The following POLA1 variants were observed in gnomAD, a reference collection of about 807,000 sequenced individuals.
POLA1 encodes the protein DNA polymerase alpha 1, catalytic subunit, also known as DNA polymerase alpha catalytic subunit.
POLA1 carries 15 observed loss-of-function variants against 124.0 expected under a neutral mutation model. That is an observed-to-expected ratio of 0.12 (90% CI 0.08 to 0.19). The LOEUF is 0.19. POLA1 is among the 10% of genes least tolerant of loss of function. The probability of loss-of-function intolerance (pLI) is 1.00; values close to 1 mark genes in which losing one functional copy is unlikely to be tolerated. For synonymous variants in POLA1, 408 were observed against 389.4 expected, an observed-to-expected ratio of 1.05 and a Z score of -0.56; for missense variants, 886 against 1,103.4, an observed-to-expected ratio of 0.80 and a Z score of 2.79.
At chrX:24,907,773 T>C (rs1036934879) in intron 35 of POLA1, among the ~76,000 whole-genome samples, 1 of 112,238 alleles carries the variant, frequency 8.9e-6, no homozygotes, top group African/African-American at 3.2e-5. Flanking sequence ...ACTTGGAACA[T>C]CATGGATGAT....
At chrX:24,887,466 TTAAG>T (rs888609686) in intron 34 of POLA1, among the ~76,000 whole-genome samples, 13 of 112,723 alleles carry the variant, frequency 1.2e-4, no homozygotes, top group Middle Eastern at 9.2e-3. Flanking sequence ...ATTATATTTA[TTAAG>T]TGTTTCTTTT....
chrX:24,944,739 A>G (rs918235977), intron 36 of POLA1, among the ~76,000 whole-genome samples: 1 of 111,926 alleles, frequency 8.9e-6, no homozygotes, highest in African/African-American at 3.2e-5. Context: ...AGGGTTAGCT[A>G]TGAAAACCTA....
At chrX:24,971,627 C>T (rs2048303632) in intron 36 of POLA1, among the ~76,000 whole-genome samples, 1 of 112,314 alleles carries the variant, frequency 8.9e-6, no homozygotes, top group African/African-American at 3.2e-5. Context: ...AACCTCCACT[C>T]AACCAGGCAC....
intron 22 of POLA1, among the ~76,000 whole-genome samples, chrX:24,742,826 G>T (rs767136766): frequency 8.9e-6 from 1 of 111,788 alleles, no homozygotes; most frequent in East Asian, 2.8e-4. Context: ...TAGGGATAAT[G>T]ATAATACCTG....
intron 35 of POLA1, among the ~76,000 whole-genome samples, chrX:24,891,857 A>G (rs2047146362): frequency 8.9e-6 from 1 of 111,966 alleles, no homozygotes. Flanking sequence ...CCATTTGGAC[A>G]GAACACTAGA....
chrX:24,855,062 T>C, intron 34 of POLA1, among the ~76,000 whole-genome samples: 1 of 111,489 alleles, frequency 9.0e-6, no homozygotes, highest in African/African-American at 3.3e-5. Context: ...CAGATTAGTA[T>C]ATAAGGAATG....
Position 24,742,099 on chromosome X carries a change from T to A in POLA1, c.2444T>A (p.Phe815Tyr). 8.3e-7 allele frequency: 1 copy of A among 1,205,923 alleles called. No homozygotes were observed. Among genetic ancestry groups the A allele is most frequent in the Non-Finnish European group, 1.1e-6 (1 of 892,082 alleles). ...TATATTGTGCCTGACAAGCAGATTTTCAGAAAGCCTCAGCAAAAACTGGTG... is the reference window on the plus strand; with the variant it reads ...TATATTGTGCCTGACAAGCAGATTTACAGAAAGCCTCAGCAAAAACTGGTG... ...NNYIVPDKQI[F>Y]RKPQQKLGDE... Residue 815 changes from phenylalanine (F) to tyrosine (Y), a missense_variant, in exon 22 of 37, where the codon TTC becomes TAC. Coordinates refer to ENST00000379068, the MANE Select transcript of POLA1 (RefSeq NM_001330360.2).
chrX:24,980,659 G>A (rs1358828194), intron 36 of POLA1, among the ~76,000 whole-genome samples: 1 of 106,604 alleles, frequency 9.4e-6, no homozygotes, highest in African/African-American at 3.4e-5. Flanking sequence ...TTTTTCTTTT[G>A]TATGTGGCTT....
At chrX:24,719,760 C>G (rs994165522) in intron 10 of POLA1, among the ~76,000 whole-genome samples, 1 of 111,873 alleles carries the variant, frequency 8.9e-6, no homozygotes, top group African/African-American at 3.3e-5. Context: ...AACCAGAAAC[C>G]TGGGAGCCAT....
chrX:24,704,994 G>A (rs1040055333), intron 4 of POLA1, among the ~76,000 whole-genome samples: 1 of 111,312 alleles, frequency 9.0e-6, no homozygotes, highest in African/African-American at 3.3e-5. Flanking sequence ...CCTGTAAAAT[G>A]GGAATGGAAA....
At chrX:24,875,089 G>A (rs1328070589) in intron 34 of POLA1, among the ~76,000 whole-genome samples, 1 of 110,869 alleles carries the variant, frequency 9.0e-6, no homozygotes, top group Non-Finnish European at 1.9e-5. Context: ...ACAAATATAT[G>A]TCAAGCATCT....
chrX:24,810,981 A>T (rs2045889202), intron 28 of POLA1, among the ~76,000 whole-genome samples, 181 bp downstream of exon 28: 1 of 111,083 alleles, frequency 9.0e-6, no homozygotes, highest in Non-Finnish European at 1.9e-5. Flanking sequence ...ACAGGGTCTC[A>T]CTCTGTCACC....
At chrX:24,817,607 C>CA (rs1171262514) in intron 30 of POLA1, among the ~76,000 whole-genome samples, 4,289 of 32,885 alleles carry the variant, frequency 0.13, 302 homozygotes, top group African/African-American at 0.29. Context: ...GATTCCATCT[C>CA]AAAAAAAAAA....
chrX:24,949,393 A>G (rs748921916), intron 36 of POLA1, among the ~76,000 whole-genome samples: 1 of 111,726 alleles, frequency 9.0e-6, no homozygotes, highest in Non-Finnish European at 1.9e-5. Flanking sequence ...AGTAGCAGCT[A>G]AGCAGTTTGG....
chrX:24,834,085 G>A (rs1448755030), intron 32 of POLA1, among the ~76,000 whole-genome samples: 3 of 91,896 alleles, frequency 3.3e-5, no homozygotes, highest in Non-Finnish European at 6.3e-5. Context: ...CAGCCTGGGT[G>A]ACAGAGCAAG....
chrX:24,814,886 A>C, intron 29 of POLA1, 93 bp from the exon 30 acceptor site: 1 of 804,433 alleles, frequency 1.2e-6, no homozygotes, highest in Non-Finnish European at 1.7e-6. Context: ...ATGTTAATCT[A>C]ATGGCATTTC....
intron 36 of POLA1, among the ~76,000 whole-genome samples, chrX:24,963,994 C>T (rs759986902): frequency 9.0e-6 from 1 of 111,469 alleles, no homozygotes; most frequent in Non-Finnish European, 1.9e-5. Context: ...CTAATTGAGT[C>T]AAGTTTGTTC....
At position 24,925,594 on chromosome X, in the gene POLA1, C is replaced by T. The variant is rs185226606; in HGVS notation, c.4165-4859C>T. 7.4e-4 allele frequency among the ~76,000 whole-genome samples: 83 copies of T among 112,320 alleles called. 1 individual carries two copies. Among genetic ancestry groups the T allele is most frequent in the African/African-American group, 2.6e-3 (81 of 30,985 alleles). On this transcript the variant is annotated intron_variant, in intron 35 of 36. Coordinates refer to ENST00000379068, the MANE Select transcript of POLA1 (RefSeq NM_001330360.2). The stretch of plus-strand genomic sequence containing the variant: ...CAGATGAAATCGATACCTCAGAAAA[C>T]AGTTTGGCAGTACCTACTAAAGCTG...
rs1451385892 is a variant in POLA1, at chrX:24,918,706, C to G, written c.4165-11747C>G. On this transcript the variant is annotated intron_variant, in intron 35 of 36. Coordinates refer to ENST00000379068, the MANE Select transcript of POLA1 (RefSeq NM_001330360.2). ...TTTATTTGACTTGTGATTCTGATGT[C>G]TGGAGAACTTCAAGACAAGATTGGA... 5.4e-5 allele frequency among the ~76,000 whole-genome samples: 6 copies of G among 111,466 alleles called. No homozygotes were observed. The East Asian group carries it at 1.7e-3, about 31-fold the overall frequency.
Sources: allele counts gnomAD v4.1 joint callset (sites outside exome capture counted in the v4.1 genomes callset), GRCh38; gene constraint gnomAD v4.1.1; transcripts MANE v1.5; gene names NCBI Gene and HGNC (gene_info 2026-07-23, HGNC 2026-07-21).